Variants in UGT2A2 observed in about 807,000 individuals in gnomAD.
The protein encoded by UGT2A2 is UDP glucuronosyltransferase family 2 member A2.
Under a neutral mutation model 50.7 loss-of-function variants are expected in UGT2A2, and 60 were observed. The ratio of observed to expected loss-of-function variants is 1.18; its 90% CI spans 0.96 to 1.47. The LOEUF (loss-of-function observed/expected upper bound fraction) is 1.47. UGT2A2 is among the 40% of genes most tolerant of loss of function. The probability of loss-of-function intolerance (pLI) is 0.00; values close to 1 mark genes in which losing one functional copy is unlikely to be tolerated. For synonymous variants in UGT2A2, 242 were observed against 214.6 expected, an observed-to-expected ratio of 1.13 and a Z score of -1.11; for missense variants, 762 against 634.0, an observed-to-expected ratio of 1.20 and a Z score of -2.17.
chr4:69,597,826 C>T (rs1214885616), intron 2 of UGT2A2, among the ~76,000 whole-genome samples: 2 of 151,912 alleles, frequency 1.3e-5, no homozygotes, highest in Non-Finnish European at 2.9e-5. Context: ...ATTCTGTGTA[C>T]CCAGTGATTG....
intron 1 of UGT2A2, among the ~76,000 whole-genome samples, chr4:69,611,446 G>GA (rs200977513): frequency 0.011 from 1,657 of 149,660 alleles, 28 homozygotes; most frequent in Middle Eastern, 0.021. Context: ...GAAATGATAA[G>GA]AAAAAAAAAC....
chr4:69,598,840 T>G (rs1719087149), intron 2 of UGT2A2, among the ~76,000 whole-genome samples: 1 of 152,118 alleles, frequency 6.6e-6, no homozygotes, highest in South Asian at 2.1e-4. Context: ...CTCACCAAGT[T>G]AAATGGAATT....
rs186385137 is a variant in UGT2A2 at position 69,598,227 on chromosome 4, A to G, written c.891+1019T>C. On this transcript the variant is annotated intron_variant, in intron 2 of 5. Transcript: ENST00000604629. Reference sequence around the variant, plus strand: ...TCCTGAAATAAAATTTTAAACTTAAATATGTCTGTTACTATAAACAGAAAT... The same window carrying G: ...TCCTGAAATAAAATTTTAAACTTAAGTATGTCTGTTACTATAAACAGAAAT... Among the ~76,000 whole-genome samples the G allele has an allele frequency of 1.7e-4, 26 of 152,298 alleles. 1 individual carries two copies. Among genetic ancestry groups the G allele is most frequent in the Admixed American group, 1.6e-3 (25 of 15,298 alleles).
At chr4:69,599,545 A>G in intron 1 of UGT2A2, 151 bp from the exon 2 acceptor site, 2 of 1,129,050 alleles carry the variant, frequency 1.8e-6, no homozygotes, top group Non-Finnish European at 2.3e-6. Flanking sequence ...ATTAAGAAGA[A>G]GGAGAAATTA....
chr4:69,623,918 G>A (rs1720894822), intron 1 of UGT2A2, among the ~76,000 whole-genome samples: 1 of 151,472 alleles, frequency 6.6e-6, no homozygotes, highest in South Asian at 2.1e-4. Context: ...ATTAATGCTG[G>A]CCAGAATGCC....
intron 1 of UGT2A2, among the ~76,000 whole-genome samples, chr4:69,630,875 A>G (rs1036219199): frequency 2.6e-5 from 4 of 151,974 alleles, no homozygotes; most frequent in African/African-American, 7.2e-5. Context: ...AATTATACAT[A>G]TATTATATAT....
Position 69,589,438 on chromosome 4 carries a change from G to A in UGT2A2, c.1545C>T (p.Val515=). ...GACAGGAAAACAAACAACATTGTAT[G>A]ACCAAAAATATAGCCGTTGTCACAC... ...LVCVTTAIFL[V]IQCCLFSCQK... is the part of the protein sequence containing the mutation. The change falls in exon 6 of 6, where the codon GTC becomes GTT. Residue 515 remains valine (V), a synonymous_variant. Transcript: ENST00000604629. The A allele has an allele frequency of 1.2e-6, 2 of 1,613,800 alleles. No homozygotes were observed. Among genetic ancestry groups the A allele is most frequent in the Non-Finnish European group, 1.7e-6 (2 of 1,179,934 alleles).
chr4:69,606,273 G>A (rs898720968), intron 1 of UGT2A2, among the ~76,000 whole-genome samples: 1 of 136,162 alleles, frequency 7.3e-6, no homozygotes, highest in Non-Finnish European at 1.6e-5. Flanking sequence ...GTCAACATAC[G>A]CAAATCAACA....
intron 1 of UGT2A2, among the ~76,000 whole-genome samples, chr4:69,617,117 C>A (rs759107008): frequency 6.6e-5 from 10 of 151,922 alleles, no homozygotes; most frequent in Non-Finnish European, 8.8e-5. Flanking sequence ...AATTACAGAA[C>A]TATTGTTAGT....
At position 69,594,580 on chromosome 4, in the gene UGT2A2, T is replaced by C. The variant is rs563491641; in HGVS notation, c.1228A>G (p.Ile410Val). 6.2e-7 allele frequency: 1 copy of C among 1,614,120 alleles called. No individual in the cohort carries two copies. Among genetic ancestry groups the C allele is most frequent in the South Asian group, 1.1e-5 (1 of 91,078 alleles). The change falls in exon 5 of 6, where the codon ATT becomes GTT. Residue 410 changes from isoleucine to valine, a missense_variant. Coordinates refer to ENST00000604629, the MANE Select transcript of UGT2A2 (RefSeq NM_001105677.2). Reference protein sequence around the residue: ...VPMFADQPDNIAHMKAKGAAV... With the variant: ...VPMFADQPDNVAHMKAKGAAV... ...GCTCCTTTGGCCTTCATGTGAGCAATGTTATCAGGCTGATCAGCAAACATG... is the reference window on the plus strand; with the variant it reads ...GCTCCTTTGGCCTTCATGTGAGCAACGTTATCAGGCTGATCAGCAAACATG...
chr4:69,627,548 A>G lies in UGT2A2; in HGVS notation c.742+11351T>C, dbSNP rs113572351. On this transcript the variant is annotated intron_variant, in intron 1 of 5. Transcript: ENST00000604629. ...AGAAAGAAAGAAAGAGAGAGAGAGA[A>G]AGAGAGAGAGAGAGAGAGAAAGAAA... is the stretch of plus-strand genomic sequence containing the variant. Among the ~76,000 whole-genome samples the G allele has an allele frequency of 2.8e-3, 175 of 62,556 alleles. 1 individual carries two copies. The East Asian group carries it at 0.029, about 10-fold the overall frequency. 41.0% of individuals were successfully genotyped at this position (62,556 alleles called of 152,430 possible).
intron 1 of UGT2A2, among the ~76,000 whole-genome samples, chr4:69,615,029 C>T (rs1409584655): frequency 6.6e-6 from 1 of 151,888 alleles, no homozygotes; most frequent in African/African-American, 2.4e-5. Flanking sequence ...CTCATGAGAA[C>T]TCACTATCAC....
At chr4:69,597,527 G>C (rs774969710) in intron 2 of UGT2A2, among the ~76,000 whole-genome samples, 2 of 151,994 alleles carry the variant, frequency 1.3e-5, no homozygotes, top group South Asian at 4.2e-4. Flanking sequence ...ATATTTGTTG[G>C]GATCACACTG....
At chr4:69,598,830 C>T (rs891545660) in intron 2 of UGT2A2, among the ~76,000 whole-genome samples, 2 of 152,096 alleles carry the variant, frequency 1.3e-5, no homozygotes, top group South Asian at 2.1e-4. Flanking sequence ...TGACCTCTTA[C>T]TCACCAAGTT....
chr4:69,627,119 G>T (rs1721104632), intron 1 of UGT2A2, among the ~76,000 whole-genome samples: 1 of 151,678 alleles, frequency 6.6e-6, no homozygotes, highest in South Asian at 2.1e-4. Context: ...AAATATATTT[G>T]CACATACTGA....
At chr4:69,617,421 T>C (rs760911842) in intron 1 of UGT2A2, among the ~76,000 whole-genome samples, 2 of 151,952 alleles carry the variant, frequency 1.3e-5, no homozygotes, top group African/African-American at 2.4e-5. Flanking sequence ...ATAATATATA[T>C]GTTTATAACA....
intron 1 of UGT2A2, among the ~76,000 whole-genome samples, chr4:69,610,409 G>T (rs1470464058): frequency 6.6e-6 from 1 of 151,796 alleles, no homozygotes; most frequent in Non-Finnish European, 1.5e-5. Flanking sequence ...TAACTGTTAG[G>T]GCATTTTAGG....
At chr4:69,599,697 G>A (rs1192817915) in intron 1 of UGT2A2, 4 of 205,852 alleles carry the variant, frequency 1.9e-5, no homozygotes, top group South Asian at 2.6e-4. Flanking sequence ...AATAAAGAAA[G>A]AGAGAGAGAG....
intron 2 of UGT2A2, among the ~76,000 whole-genome samples, chr4:69,598,478 T>C (rs1719065817): frequency 6.6e-6 from 1 of 152,130 alleles, no homozygotes; most frequent in Admixed American, 6.5e-5. Flanking sequence ...TACAATTTCC[T>C]TCTCATGCCA....
Sources: gnomAD v4.1 joint callset for allele counts (sites outside exome capture counted in the v4.1 genomes callset) on GRCh38, gnomAD v4.1.1 for gene constraint, MANE v1.5 for transcripts, NCBI Gene and HGNC (gene_info 2026-07-23, HGNC 2026-07-21) for gene names.